Variants in NKAIN2 observed in about 807,000 individuals in gnomAD.
NKAIN2 encodes sodium/potassium transporting ATPase interacting 2, also known as sodium/potassium-transporting ATPase subunit beta-1-interacting protein 2.
A neutral mutation model predicts 32.6 loss-of-function variants in NKAIN2; 14 were observed. The ratio of observed to expected loss-of-function variants is 0.43; its 90% CI spans 0.28 to 0.67. NKAIN2 has a LOEUF of 0.67. NKAIN2 is among the 30% of genes least tolerant of loss of function. NKAIN2 has a pLI of 0.17. For missense variants in NKAIN2, 198 were observed against 258.3 expected (o/e 0.77, Z 1.60); for synonymous variants, 80 against 87.2 (o/e 0.92, Z 0.46).
intron 1 of NKAIN2, among the ~76,000 whole-genome samples, chr6:123,921,449 C>T (rs923001093): frequency 5.3e-5 from 8 of 152,268 alleles, no homozygotes; most frequent in Admixed American, 2.6e-4. Flanking sequence ...AAATATTTAA[C>T]GAGTACCTAT....
intron 3 of NKAIN2, among the ~76,000 whole-genome samples, chr6:124,398,947 G>T (rs547520676): frequency 6.6e-6 from 1 of 152,208 alleles, no homozygotes; most frequent in East Asian, 1.9e-4. Flanking sequence ...TTTATTTAGA[G>T]ACAGAGTCTC....
intron 3 of NKAIN2, among the ~76,000 whole-genome samples, chr6:124,458,766 G>C (rs1215471199): frequency 6.6e-6 from 1 of 151,688 alleles, no homozygotes; most frequent in East Asian, 1.9e-4. Context: ...CCTGAGACTT[G>C]GTCATCTAAC....
chr6:124,154,515 C>T (rs1352245839), intron 1 of NKAIN2, among the ~76,000 whole-genome samples: 1 of 151,866 alleles, frequency 6.6e-6, no homozygotes, highest in African/African-American at 2.4e-5. Flanking sequence ...TTCTATTTTC[C>T]CTTTCCTAAG....
intron 3 of NKAIN2, among the ~76,000 whole-genome samples, chr6:124,607,620 G>T (rs1782545553): frequency 6.6e-6 from 1 of 151,938 alleles, no homozygotes; most frequent in Non-Finnish European, 1.5e-5. Context: ...CCTTATCATT[G>T]CCCCTACTGT....
At chr6:124,548,856 A>C (rs1263274977) in intron 3 of NKAIN2, among the ~76,000 whole-genome samples, 1 of 152,190 alleles carries the variant, frequency 6.6e-6, no homozygotes, top group African/African-American at 2.4e-5. Context: ...TGTAAAGTAC[A>C]CTGAGAGGTG....
chr6:124,663,013 A>G (rs1220712012), intron 4 of NKAIN2, among the ~76,000 whole-genome samples: 1 of 152,212 alleles, frequency 6.6e-6, no homozygotes, highest in African/African-American at 2.4e-5. Context: ...TGTGGTTGCC[A>G]TGGCCATGGG....
At chr6:124,359,601 G>A (rs968649214) in intron 3 of NKAIN2, among the ~76,000 whole-genome samples, 2 of 152,238 alleles carry the variant, frequency 1.3e-5, no homozygotes, top group African/African-American at 2.4e-5. Flanking sequence ...AAGAATGCTT[G>A]TGATTTTTGC....
chr6:124,312,820 A>G (rs1358746263), intron 2 of NKAIN2, among the ~76,000 whole-genome samples: 2 of 152,156 alleles, frequency 1.3e-5, no homozygotes, highest in Non-Finnish European at 2.9e-5. Flanking sequence ...TGGCTTTTCA[A>G]TGCAGCATTC....
At position 124,525,222 on chromosome 6, in the gene NKAIN2, G is replaced by A. The variant is rs186276585; in HGVS notation, c.274-132964G>A. On this transcript the variant is annotated intron_variant, in intron 3 of 6. Transcript: ENST00000368417. Reference sequence around the variant, plus strand: ...TGCACTGTATGTGTGTCTCTCTTTGGACTTAGAATTGTTTTTTCCAAATTC... The same window carrying A: ...TGCACTGTATGTGTGTCTCTCTTTGAACTTAGAATTGTTTTTTCCAAATTC... Among the ~76,000 whole-genome samples the A allele has an allele frequency of 2.2e-4, 34 of 152,122 alleles. No homozygotes were observed. In the East Asian group the frequency reaches 6.4e-3, roughly 29 times the overall value.
At chr6:123,806,349 G>T (rs1773212634) in intron 1 of NKAIN2, among the ~76,000 whole-genome samples, 1 of 152,054 alleles carries the variant, frequency 6.6e-6, no homozygotes, top group Non-Finnish European at 1.5e-5. Flanking sequence ...ATAATTAGCA[G>T]CCATGTTAAC....
At chr6:124,318,864 A>G (rs1469583064) in intron 2 of NKAIN2, among the ~76,000 whole-genome samples, 1 of 152,120 alleles carries the variant, frequency 6.6e-6, no homozygotes, top group African/African-American at 2.4e-5. Context: ...AAGAGATTCC[A>G]AAGTCTGCTG....
intron 4 of NKAIN2, among the ~76,000 whole-genome samples, chr6:124,686,508 A>G (rs780122310): frequency 6.6e-6 from 1 of 152,052 alleles, no homozygotes; most frequent in African/African-American, 2.4e-5. Flanking sequence ...ATAGAACCCT[A>G]TAACAAGAAC....
chr6:124,353,470 AC>A (rs1798824325), intron 2 of NKAIN2, among the ~76,000 whole-genome samples: 1 of 152,172 alleles, frequency 6.6e-6, no homozygotes, highest in Admixed American at 6.5e-5. Flanking sequence ...ACAAAGAGGC[AC>A]AGGCCGGGCG....
intron 3 of NKAIN2, among the ~76,000 whole-genome samples, chr6:124,464,505 CT>C (rs1776663751): frequency 1.3e-5 from 2 of 151,266 alleles, no homozygotes; most frequent in South Asian, 2.1e-4. Flanking sequence ...TTTATTACAT[CT>C]TTTTTTCCTC....
chr6:124,462,325 TCTTA>T, intron 3 of NKAIN2, among the ~76,000 whole-genome samples: 1 of 152,104 alleles, frequency 6.6e-6, no homozygotes, highest in African/African-American at 2.4e-5. Context: ...TAGAGAGCAG[TCTTA>T]CTTTGTTGTT....
chr6:124,809,011 T>C (rs1364173708), intron 5 of NKAIN2, among the ~76,000 whole-genome samples: 1 of 152,210 alleles, frequency 6.6e-6, no homozygotes, highest in Non-Finnish European at 1.5e-5. Flanking sequence ...GAACATTCCA[T>C]GCTCATGGGT....
At chr6:124,517,201 C>T (rs563435829) in intron 3 of NKAIN2, among the ~76,000 whole-genome samples, 3 of 152,144 alleles carry the variant, frequency 2.0e-5, no homozygotes, top group Non-Finnish European at 4.4e-5. Context: ...TGGTCATGAG[C>T]GTATATGTCA....
chr6:124,440,625 A>AT (rs1775647708), intron 3 of NKAIN2, among the ~76,000 whole-genome samples: 1 of 152,060 alleles, frequency 6.6e-6, no homozygotes, highest in Non-Finnish European at 1.5e-5. Flanking sequence ...TAAGAATATG[A>AT]TTCCTTGATC....
rs538954475 is a variant in NKAIN2 at position 124,754,926 on chromosome 6, C to T, written c.475-36413C>T. ...TAGAGTGGAGAAAGAAAATGTGGTA[C>T]ATTCACTGTAATAGTTAAGATTCTC... On this transcript the variant is annotated intron_variant, in intron 4 of 6. Transcript: ENST00000368417. 3.2e-4 allele frequency among the ~76,000 whole-genome samples: 48 copies of T among 152,172 alleles called. No individual in the cohort carries two copies. In the South Asian group the frequency reaches 7.0e-3, roughly 22 times the overall value.
Sources: gnomAD v4.1 joint callset for allele counts (sites outside exome capture counted in the v4.1 genomes callset) on GRCh38, gnomAD v4.1.1 for gene constraint, MANE v1.5 for transcripts, NCBI Gene and HGNC (gene_info 2026-07-23, HGNC 2026-07-21) for gene names.